ANGPTL2: variants seen among roughly 807,000 people sequenced by gnomAD.
The protein encoded by ANGPTL2 is angiopoietin-related protein 2.
ANGPTL2 carries 25 observed loss-of-function variants against 52.8 expected under a neutral mutation model. The ratio of observed to expected loss-of-function variants is 0.47; its 90% confidence interval spans 0.35 to 0.66. ANGPTL2 has a LOEUF of 0.66. Ranked by LOEUF, ANGPTL2 falls within the 30% of genes least tolerant of loss-of-function variation. The pLI, the probability that ANGPTL2 is intolerant of heterozygous loss-of-function variation, is 0.01. For missense variants in ANGPTL2, 546 were observed against 656.9 expected, an observed-to-expected ratio of 0.83 and a Z score of 1.84; for synonymous variants, 276 against 277.4, an observed-to-expected ratio of 1.00 and a Z score of 0.05.
intron 1 of ANGPTL2, among the ~76,000 whole-genome samples, chr9:127,117,179 C>T (rs1048321665): frequency 6.6e-6 from 1 of 152,234 alleles, no homozygotes; most frequent in Non-Finnish European, 1.5e-5. Flanking sequence ...TTGACCTCAC[C>T]ATGAAGCCAT....
At chr9:127,115,494 G>T (rs1029446067) in intron 1 of ANGPTL2, among the ~76,000 whole-genome samples, 1 of 152,206 alleles carries the variant, frequency 6.6e-6, no homozygotes, top group African/African-American at 2.4e-5. Flanking sequence ...TAAGAGAAAG[G>T]TATTATATCT....
intron 1 of ANGPTL2, among the ~76,000 whole-genome samples, chr9:127,119,073 A>T (rs376147054): frequency 8.0e-5 from 12 of 149,814 alleles, no homozygotes; most frequent in African/African-American, 3.1e-4. Flanking sequence ...TGAGCTGGGG[A>T]CAGAGTTTCC....
At chr9:127,092,826 T>G (rs2789512) in intron 3 of ANGPTL2, among the ~76,000 whole-genome samples, 110,342 of 151,842 alleles carry the variant, frequency 0.73, 40,310 homozygotes, top group East Asian at 0.82. Context: ...ACACAGGCTG[T>G]TCAGGAGGTG....
At chr9:127,108,868 A>G (rs2054524998) in intron 1 of ANGPTL2, 88 bp from the exon 2 acceptor site, 2 of 985,142 alleles carry the variant, frequency 2.0e-6, no homozygotes, top group Non-Finnish European at 2.9e-6. Context: ...CTCGCCAGGC[A>G]GGCAGAGCTT....
intron 2 of ANGPTL2, among the ~76,000 whole-genome samples, chr9:127,097,531 G>A (rs977306060): frequency 6.6e-6 from 1 of 152,164 alleles, no homozygotes; most frequent in Non-Finnish European, 1.5e-5. Flanking sequence ...CACATTAAAG[G>A]CACCAGTGGC....
At chr9:127,097,673 C>T (rs1359580696) in intron 2 of ANGPTL2, among the ~76,000 whole-genome samples, 1 of 152,188 alleles carries the variant, frequency 6.6e-6, no homozygotes, top group Non-Finnish European at 1.5e-5. Flanking sequence ...ATGAGAAATC[C>T]ACAACTGTAA....
chr9:127,111,630 C>T (rs942687447), intron 1 of ANGPTL2, among the ~76,000 whole-genome samples: 4 of 152,202 alleles, frequency 2.6e-5, no homozygotes, highest in African/African-American at 9.7e-5. Flanking sequence ...ATCCATTGAC[C>T]AAGGTCCGCT....
In ANGPTL2 at chr9:127,088,723, AG is replaced by A. The variant is rs1168796694; in HGVS notation, c.*215del. 82 of 600,008 alleles carry A rather than the reference AG, an allele frequency of 1.4e-4. No homozygotes were observed. Among genetic ancestry groups the A allele is most frequent in the Non-Finnish European group, 1.9e-4 (63 of 337,364 alleles). 37.2% of individuals were successfully genotyped at this position (600,008 alleles called of 1,614,324 possible). A position where few individuals can be genotyped will look rare whatever the true frequency, so the allele number is the denominator to read the frequency against. ...AGTCCTGTCCTGTCCTGGAGACATG[AG>A]GGGCTGTCTGGTGTGAAGGAAAGTA... On this transcript the variant is annotated 3_prime_UTR_variant, in exon 5 of 5. Coordinates refer to ENST00000373425, the MANE Select transcript of ANGPTL2 (RefSeq NM_012098.3).
intron 1 of ANGPTL2, among the ~76,000 whole-genome samples, chr9:127,118,866 G>A (rs893019326): frequency 1.3e-5 from 2 of 152,168 alleles, no homozygotes; most frequent in Non-Finnish European, 2.9e-5. Flanking sequence ...TGTCTGTTAT[G>A]TTTGTTCTAT....
In ANGPTL2 at chr9:127,091,967, T is replaced by C. The variant is rs762418124; in HGVS notation, c.1012-27A>G. ...TGGGGAAAACCCAGGAGAGTGTTAA[T>C]GTGGAGCCTGCAGCACCTGCAGCCA... On this transcript the variant is annotated intron_variant, in intron 3 of 4. Coordinates refer to ENST00000373425, the MANE Select transcript of ANGPTL2 (RefSeq NM_012098.3). This position sits in a 1 kb window ranked among gnomAD's most constrained non-coding sequence, Gnocchi z 4.3. The C allele has an allele frequency of 3.1e-6, 5 of 1,607,018 alleles. No individual in the cohort carries two copies. In the East Asian group the frequency reaches 8.9e-5, roughly 29 times the overall value.
At chr9:127,118,502 A>AGGCTG (rs2055690723) in intron 1 of ANGPTL2, among the ~76,000 whole-genome samples, 1 of 152,138 alleles carries the variant, frequency 6.6e-6, no homozygotes, top group Non-Finnish European at 1.5e-5. Flanking sequence ...GGATGGCAGC[A>AGGCTG]GGCTGGGGTG....
Position 127,089,116 on chromosome 9 carries a change from C to T in ANGPTL2, c.1305G>A (p.Lys435=), listed in dbSNP as rs775904300. Residue 435 remains lysine, a synonymous_variant, in exon 5 of 5, where the codon AAG becomes AAA. Transcript: ENST00000373425. ...CACAGGCGTTATACCACCAGCCTCC[C>T]TTCTGGTAGTGGGCACAGTTTCCTG... ...VYTGNCAHYQ[K]GGWWYNACAH... 6.2e-6 allele frequency: 10 copies of T among 1,614,080 alleles called. No individual in the cohort carries two copies. In the East Asian group the frequency reaches 2.0e-4, roughly 32 times the overall value.
intron 2 of ANGPTL2, among the ~76,000 whole-genome samples, chr9:127,097,739 T>C (rs1240960743): frequency 2.0e-5 from 3 of 152,180 alleles, no homozygotes; most frequent in African/African-American, 7.2e-5. Context: ...AATGCCCTCG[T>C]AGGGGGCCAG....
At chr9:127,111,701 A>G (rs1230621245) in intron 1 of ANGPTL2, among the ~76,000 whole-genome samples, 1 of 152,196 alleles carries the variant, frequency 6.6e-6, no homozygotes, top group African/African-American at 2.4e-5. Context: ...TGTTCTCATA[A>G]TCTCCTTTTA....
At chr9:127,100,397 C>G (rs1358172815) in intron 2 of ANGPTL2, among the ~76,000 whole-genome samples, 1 of 152,196 alleles carries the variant, frequency 6.6e-6, no homozygotes, top group African/African-American at 2.4e-5. Context: ...ACAGACATTG[C>G]AGCACTACTT....
At chr9:127,095,368 A>G (rs1304087322) in intron 2 of ANGPTL2, among the ~76,000 whole-genome samples, 2 of 152,266 alleles carry the variant, frequency 1.3e-5, no homozygotes, top group Non-Finnish European at 2.9e-5. Context: ...ACTGCACTCC[A>G]GCCTGAGTGG....
rs937316706 is a variant in ANGPTL2, at chr9:127,091,677, G to T, written c.1275C>A (p.Val425=). The part of the protein sequence containing the change: ...QFTTLDRDHD[V]YTGNCAHYQK... ...TGACTCCACTTTTCCTACCTGTGTA[G>T]ACATCATGATCTCTGTCCAGGGTGG... Residue 425 remains valine (V), a synonymous_variant, in exon 4 of 5, where the codon GTC becomes GTA. Transcript: ENST00000373425. This position sits in a 1 kb window ranked among gnomAD's most constrained non-coding sequence, Gnocchi z 4.3. 1 of 1,613,490 alleles carries T rather than the reference G, an allele frequency of 6.2e-7. No individual in the cohort carries two copies. Among genetic ancestry groups the T allele is most frequent in the African/African-American group, 1.3e-5 (1 of 74,878 alleles).
At chr9:127,103,030 C>T (rs2053884165) in intron 2 of ANGPTL2, among the ~76,000 whole-genome samples, 1 of 152,230 alleles carries the variant, frequency 6.6e-6, no homozygotes. Context: ...CTGTGCTTCT[C>T]CACCTCTCTG....
At chr9:127,120,134 C>T (rs1342502141) in intron 1 of ANGPTL2, among the ~76,000 whole-genome samples, 1 of 152,208 alleles carries the variant, frequency 6.6e-6, no homozygotes, top group South Asian at 2.1e-4. Flanking sequence ...CTTGCCTCTT[C>T]CTCTGCAACT....
Sources: allele counts gnomAD v4.1 joint callset (sites outside exome capture counted in the v4.1 genomes callset), GRCh38; gene constraint gnomAD v4.1.1; non-coding constraint Gnocchi (gnomAD v3.1); transcripts MANE v1.5; gene names NCBI Gene and HGNC (gene_info 2026-07-23, HGNC 2026-07-21).